The following ENOX1 variants were observed in gnomAD, a reference collection of about 807,000 sequenced individuals.
ENOX1 encodes the protein candidate growth-related and time keeping constitutive hydroquinone (NADH) oxidase.
ENOX1 carries 42 observed loss-of-function variants against 82.5 expected under a neutral mutation model. That is an observed-to-expected ratio of 0.51 (90% confidence interval 0.40 to 0.66). The LOEUF (loss-of-function observed/expected upper bound fraction) is 0.66. Ranked by LOEUF, ENOX1 falls within the 30% of genes least tolerant of loss-of-function variation. The pLI, the probability that ENOX1 is intolerant of heterozygous loss-of-function variation, is 0.00. For synonymous variants in ENOX1, 271 were observed against 282.2 expected (o/e 0.96, Z 0.40); for missense variants, 608 against 811.6 (o/e 0.75, Z 3.05).
chr13:43,637,285 AG>A (rs2083450055), intron 2 of ENOX1, among the ~76,000 whole-genome samples: 1 of 152,208 alleles, frequency 6.6e-6, no homozygotes, highest in African/African-American at 2.4e-5. Flanking sequence ...AATGTTCCAC[AG>A]AAGCTTTTGT....
intron 2 of ENOX1, among the ~76,000 whole-genome samples, chr13:43,558,664 C>A (rs1448516570): frequency 2.0e-5 from 3 of 152,234 alleles, no homozygotes; most frequent in African/African-American, 7.2e-5. Context: ...CTGGACGATT[C>A]ATTTGTTTTC....
intron 2 of ENOX1, among the ~76,000 whole-genome samples, chr13:43,651,600 G>A (rs1176329568): frequency 6.6e-6 from 1 of 151,248 alleles, no homozygotes. Flanking sequence ...AGGAGGCTAT[G>A]GCAGGAGAAT....
At chr13:43,626,707 C>T (rs1338012748) in intron 2 of ENOX1, among the ~76,000 whole-genome samples, 1 of 151,738 alleles carries the variant, frequency 6.6e-6, no homozygotes, top group Non-Finnish European at 1.5e-5. Flanking sequence ...ATCACTCAAG[C>T]TATTATCTTT....
chr13:43,430,903 A>G (rs767908050), intron 3 of ENOX1, among the ~76,000 whole-genome samples: 13 of 152,214 alleles, frequency 8.5e-5, no homozygotes, highest in Non-Finnish European at 1.5e-4. Context: ...TTCAGTCATG[A>G]CCTGAAGCTG....
At chr13:43,451,760 T>TC (rs1194479540) in intron 3 of ENOX1, among the ~76,000 whole-genome samples, 1 of 152,226 alleles carries the variant, frequency 6.6e-6, no homozygotes, top group Non-Finnish European at 1.5e-5. Context: ...GTACTGTTTC[T>TC]ATGCAAATAA....
chr13:43,757,022 C>T (rs116632436), intron 1 of ENOX1, among the ~76,000 whole-genome samples: 2,142 of 147,200 alleles, frequency 0.015, 49 homozygotes, highest in African/African-American at 0.048. Flanking sequence ...TTGTAAGCAT[C>T]GTTAATCCAA....
chr13:43,632,675 G>T (rs1387891923), intron 2 of ENOX1, among the ~76,000 whole-genome samples: 1 of 152,118 alleles, frequency 6.6e-6, no homozygotes, highest in African/African-American at 2.4e-5. Flanking sequence ...TCGAACTCTT[G>T]ACCTCAGGTG....
intron 5 of ENOX1, among the ~76,000 whole-genome samples, chr13:43,379,169 G>T (rs995848720): frequency 3.3e-5 from 5 of 152,106 alleles, no homozygotes; most frequent in African/African-American, 1.2e-4. Context: ...AGTGAGATTT[G>T]CATGAGATTT....
intron 1 of ENOX1, among the ~76,000 whole-genome samples, chr13:43,722,112 A>C (rs9533599): frequency 0.079 from 11,982 of 152,288 alleles, 714 homozygotes; most frequent in African/African-American, 0.16. Flanking sequence ...AAATTGGATT[A>C]GTCTTTGTGA....
intron 1 of ENOX1, among the ~76,000 whole-genome samples, chr13:43,774,866 TG>T (rs1157283922): frequency 6.6e-6 from 1 of 152,132 alleles, no homozygotes; most frequent in Non-Finnish European, 1.5e-5. Flanking sequence ...TCTTTTTTTT[TG>T]AGATGGAGTT....
At chr13:43,288,230 T>G (rs562801011) in intron 12 of ENOX1, among the ~76,000 whole-genome samples, 2 of 152,346 alleles carry the variant, frequency 1.3e-5, no homozygotes, top group South Asian at 4.1e-4. Flanking sequence ...CACTAAACCT[T>G]TTTAAAGCCG....
intron 2 of ENOX1, among the ~76,000 whole-genome samples, chr13:43,610,371 A>G (rs774818282): frequency 3.9e-5 from 6 of 152,164 alleles, no homozygotes; most frequent in Non-Finnish European, 7.4e-5. Flanking sequence ...CCCACCCCAC[A>G]CAATCTGTCC....
intron 2 of ENOX1, among the ~76,000 whole-genome samples, chr13:43,659,488 TA>T (rs58996950): frequency 7.3e-4 from 106 of 145,570 alleles, no homozygotes; most frequent in East Asian, 9.9e-4. Context: ...AAACCCTGTG[TA>T]AAAAAAAAAA....
At chr13:43,702,796 C>CA (rs1197609834) in intron 1 of ENOX1, among the ~76,000 whole-genome samples, 3 of 151,254 alleles carry the variant, frequency 2.0e-5, no homozygotes, top group African/African-American at 7.3e-5. Context: ...ACTAAAAATA[C>CA]AAAAAAATTA....
intron 11 of ENOX1, among the ~76,000 whole-genome samples, chr13:43,317,379 C>T (rs922736953): frequency 6.6e-6 from 1 of 152,116 alleles, no homozygotes; most frequent in Admixed American, 6.5e-5. Context: ...GATGGGGTAA[C>T]AGTGAGCCTC....
intron 14 of ENOX1, among the ~76,000 whole-genome samples, chr13:43,242,630 G>A (rs1316445701): frequency 6.6e-6 from 1 of 152,172 alleles, no homozygotes; most frequent in Non-Finnish European, 1.5e-5. Context: ...GGTGACCTTG[G>A]CAAATTACTC....
intron 3 of ENOX1, among the ~76,000 whole-genome samples, chr13:43,468,735 C>A (rs80002117): frequency 0.015 from 2,241 of 151,836 alleles, 49 homozygotes; most frequent in African/African-American, 0.051. Flanking sequence ...CTTAAGCTTT[C>A]TATGATTATG....
At chr13:43,775,449 G>T (rs1951858397) in intron 1 of ENOX1, among the ~76,000 whole-genome samples, 1 of 152,128 alleles carries the variant, frequency 6.6e-6, no homozygotes, top group Non-Finnish European at 1.5e-5. Flanking sequence ...GCCCAAAGGT[G>T]ATTTTTCAGT....
chr13:43,323,648 A>C (rs2047939370), intron 10 of ENOX1, among the ~76,000 whole-genome samples: 1 of 152,198 alleles, frequency 6.6e-6, no homozygotes, highest in Admixed American at 6.5e-5. Context: ...AAACAGGGGA[A>C]GCCTCCATTA....
Sources: gnomAD v4.1 joint callset for allele counts (sites outside exome capture counted in the v4.1 genomes callset) on GRCh38, gnomAD v4.1.1 for gene constraint, MANE v1.5 for transcripts, NCBI Gene and HGNC (gene_info 2026-07-23, HGNC 2026-07-21) for gene names.